The following PCDHGA3 variants were observed in gnomAD, a reference collection of about 807,000 sequenced individuals.
PCDHGA3 encodes the protein protocadherin gamma-A3.
A neutral mutation model predicts 58.5 loss-of-function variants in PCDHGA3; 40 were observed. That is an observed-to-expected ratio of 0.68 (90% CI 0.53 to 0.89). PCDHGA3 has a LOEUF of 0.89. Ranked by LOEUF, PCDHGA3 falls within the 40% of genes least tolerant of loss-of-function variation. PCDHGA3 has a pLI of 0.00. For synonymous variants in PCDHGA3, 530 were observed against 525.7 expected (o/e 1.01, Z -0.11); for missense variants, 1,223 against 1,195.9 (o/e 1.02, Z -0.33).
In PCDHGA3 at chr5:141,375,798, C is replaced by T. The variant is rs368947176; in HGVS notation, c.2424+29341C>T. On this transcript the variant is annotated intron_variant, in intron 1 of 3. Coordinates refer to ENST00000253812, the MANE Select transcript of PCDHGA3 (RefSeq NM_018916.4). ...TACCCCGCCCTCCCCACAGACGGTT[C>T]CACTGGCGTGGAGCTGGCGCCCCGC... 11 of 1,614,124 alleles carry T rather than the reference C, an allele frequency of 6.8e-6. No individual in the cohort carries two copies. The African/African-American group carries it at 1.1e-4, about 16-fold the overall frequency.
In PCDHGA3 at chr5:141,345,713, C is replaced by G. The variant is rs762169272; in HGVS notation, c.1680C>G (p.Pro560=). 1.2e-6 allele frequency: 2 copies of G among 1,614,238 alleles called. No individual in the cohort carries two copies. The highest frequency in any genetic ancestry group is 1.3e-5 in the African/African-American group (1 of 75,058). ...LFVLDQNDNA[P]EILYPALPTD... is the part of the protein sequence containing the mutation. The stretch of plus-strand genomic sequence containing the variant: ...TGCTGGACCAGAACGACAACGCGCC[C>G]GAGATCCTGTACCCCGCCCTCCCCA... The change falls in exon 1 of 4, where the codon CCC becomes CCG. Residue 560 remains proline, a synonymous_variant. Transcript: ENST00000253812.
chr5:141,375,535 C>T (rs548065153), intron 1 of PCDHGA3: 89 of 1,614,018 alleles, frequency 5.5e-5, no homozygotes, highest in Non-Finnish European at 6.9e-5. Flanking sequence ...TGGACCAGAA[C>T]GCCCAAGTCT....
chr5:141,355,562 T>C, intron 1 of PCDHGA3: 1 of 1,613,794 alleles, frequency 6.2e-7, no homozygotes, highest in Non-Finnish European at 8.5e-7. Context: ...CGGGTAGAGG[T>C]GGAAATAATC....
At chr5:141,475,895 C>A (rs2099379056) in intron 1 of PCDHGA3, 1 of 568,558 alleles carries the variant, frequency 1.8e-6, no homozygotes, top group African/African-American at 1.9e-5. Context: ...ACTCTGTGTG[C>A]CGCTGTCGGC....
Position 141,489,391 on chromosome 5 carries a change from G to C in PCDHGA3, c.2425-5416G>C. 6.2e-7 allele frequency: 1 copy of C among 1,614,174 alleles called. No individual in the cohort carries two copies. The highest frequency in any genetic ancestry group is 8.5e-7 in the Non-Finnish European group (1 of 1,180,022). ...GACGCTGGTGGGGAATGTTGCTCAG[G>C]ATCTGGGCTTAAAGATGACAGATCT... On this transcript the variant is annotated intron_variant, in intron 1 of 3. Transcript: ENST00000253812. This position sits in a 1 kb window ranked among gnomAD's most constrained non-coding sequence, Gnocchi z 4.5.
chr5:141,361,684 C>T, intron 1 of PCDHGA3: 1 of 1,613,590 alleles, frequency 6.2e-7, no homozygotes, highest in Non-Finnish European at 8.5e-7. Context: ...GGTGTTCGCG[C>T]AGCGCGCCTT....
chr5:141,346,429 A>C lies in PCDHGA3; in HGVS notation c.2396A>C (p.Glu799Ala). The change falls in exon 1 of 4, where the codon GAA becomes GCA. Residue 799 changes from glutamate to alanine, a missense_variant. Transcript: ENST00000253812. ...EPLLITQDLLEMKGDSNLLQQ... is the reference protein window; with the variant it reads ...EPLLITQDLLAMKGDSNLLQQ... ...CTTCTGATAACTCAGGATTTACTTG[A>C]AATGAAAGGAGATTCCAACCTACTT... 6.2e-7 allele frequency: 1 copy of C among 1,614,274 alleles called. No homozygotes were observed. Among genetic ancestry groups the C allele is most frequent in the South Asian group, 1.1e-5 (1 of 91,090 alleles).
At chr5:141,399,092 G>T (rs573118488) in intron 1 of PCDHGA3, 2 of 1,613,810 alleles carry the variant, frequency 1.2e-6, no homozygotes, top group Non-Finnish European at 1.7e-6. Context: ...GATGGTGGTG[G>T]ACTGGTTGCA....
At chr5:141,399,315 T>C in intron 1 of PCDHGA3, 2 of 1,613,878 alleles carry the variant, frequency 1.2e-6, no homozygotes, top group Non-Finnish European at 8.5e-7. Flanking sequence ...CATCCAAAAA[T>C]TCGTATAAGT....
chr5:141,412,209 T>G (rs917646798), intron 1 of PCDHGA3: 2 of 152,248 alleles, frequency 1.3e-5, no homozygotes. Flanking sequence ...TCATTTGACA[T>G]AAACACTTAC....
rs187488785 is a variant in PCDHGA3 at position 141,461,744 on chromosome 5, C to T, written c.2425-33063C>T. 5.9e-5 allele frequency among the ~76,000 whole-genome samples: 9 copies of T among 152,302 alleles called. No individual in the cohort carries two copies. The East Asian group carries it at 1.7e-3, about 29-fold the overall frequency. On this transcript the variant is annotated intron_variant, in intron 1 of 3. Transcript: ENST00000253812. ...GGAGTGCAGTGGCACAATCCCGGCT[C>T]CCAGATTCAAGCGATTCTCCTGCCT...
intron 1 of PCDHGA3, chr5:141,361,829 C>T (rs1404954356): frequency 4.3e-6 from 7 of 1,612,986 alleles, no homozygotes; most frequent in Non-Finnish European, 5.9e-6. Flanking sequence ...GTGCTGTACC[C>T]CGCGCTGGGG....
At chr5:141,430,928 C>A in intron 1 of PCDHGA3, 1 of 1,607,098 alleles carries the variant, frequency 6.2e-7, no homozygotes, top group Non-Finnish European at 8.5e-7. Context: ...GCTGGAGCCC[C>A]GGGAGCTCGC....
intron 1 of PCDHGA3, chr5:141,370,525 G>T: frequency 1.2e-6 from 2 of 1,613,874 alleles, no homozygotes; most frequent in Non-Finnish European, 1.7e-6. Flanking sequence ...CTGGACAGGG[G>T]CTCGCTGGTA....
chr5:141,413,570 A>G, intron 1 of PCDHGA3: 1 of 1,613,930 alleles, frequency 6.2e-7, no homozygotes, highest in Non-Finnish European at 8.5e-7. Context: ...GATATCAATG[A>G]CAATGCTCCA....
At chr5:141,467,348 C>T (rs1182432500) in intron 1 of PCDHGA3, among the ~76,000 whole-genome samples, 5 of 152,142 alleles carry the variant, frequency 3.3e-5, no homozygotes, top group African/African-American at 9.7e-5. Context: ...CCACTGCCCC[C>T]GGCCAAATCA....
chr5:141,481,352 C>T (rs1007066307), intron 1 of PCDHGA3, among the ~76,000 whole-genome samples: 3 of 152,222 alleles, frequency 2.0e-5, no homozygotes, highest in East Asian at 1.9e-4. Flanking sequence ...TAAACATCTA[C>T]AGCTGTTCAA....
At chr5:141,455,239 G>A (rs1034181635) in intron 1 of PCDHGA3, among the ~76,000 whole-genome samples, 1 of 151,898 alleles carries the variant, frequency 6.6e-6, no homozygotes, top group African/African-American at 2.4e-5. Context: ...AAATGTTAAA[G>A]GTCATAGTAC....
At chr5:141,356,575 G>A in intron 1 of PCDHGA3, 1 of 1,614,084 alleles carries the variant, frequency 6.2e-7, no homozygotes, top group Non-Finnish European at 8.5e-7. Flanking sequence ...TTCCTACTCT[G>A]CTTACATTCC....
Sources: allele counts gnomAD v4.1 joint callset (sites outside exome capture counted in the v4.1 genomes callset), GRCh38; gene constraint gnomAD v4.1.1; non-coding constraint Gnocchi (gnomAD v3.1); transcripts MANE v1.5; gene names NCBI Gene and HGNC (gene_info 2026-07-23, HGNC 2026-07-21).